The following TNR variants were observed in gnomAD, a reference collection of about 807,000 sequenced individuals.
TNR encodes tenascin R.
TNR carries 45 observed loss-of-function variants against 150.4 expected under a neutral mutation model. The observed-to-expected ratio is 0.30, with a 90% confidence interval of 0.24 to 0.38. The LOEUF is 0.38. Among genes scored for constraint, TNR ranks in the 10% least tolerant of loss-of-function variants. The probability of loss-of-function intolerance (pLI) is 1.00; values close to 1 mark genes in which losing one functional copy is unlikely to be tolerated. For missense variants in TNR, 1,544 were observed against 1,759.1 expected (o/e 0.88, Z 2.19); for synonymous variants, 687 against 678.4 (o/e 1.01, Z -0.20).
chr1:175,372,655 G>C lies in TNR; in HGVS notation c.1964-5358C>G, dbSNP rs1195378388. 3.3e-5 allele frequency among the ~76,000 whole-genome samples: 5 copies of C among 152,320 alleles called. No homozygotes were observed. The South Asian group carries it at 1.0e-3, about 32-fold the overall frequency. Reference sequence around the variant, plus strand: ...GAACCTATTCTTCATGCCTGCTGTCGCTAGCAGGGAAAGTGGTAGGGAGAA... The same window carrying C: ...GAACCTATTCTTCATGCCTGCTGTCCCTAGCAGGGAAAGTGGTAGGGAGAA... On this transcript the variant is annotated intron_variant, in intron 9 of 22. Transcript: ENST00000367674.
intron 18 of TNR, among the ~76,000 whole-genome samples, chr1:175,343,510 G>A (rs375897150): frequency 6.6e-6 from 1 of 152,182 alleles, no homozygotes; most frequent in African/African-American, 2.4e-5. Flanking sequence ...TATAGGTGCT[G>A]TCCTAGAAGT....
chr1:175,319,680 G>T lies in TNR; in HGVS notation c.*3677C>A, dbSNP rs1226243148. On this transcript the variant is annotated 3_prime_UTR_variant, in exon 23 of 23. Transcript: ENST00000367674. The stretch of plus-strand genomic sequence containing the variant: ...TTCCTTGCTGCCATATGTTGTTGTT[G>T]TTCTTTTACAAATCAATCTCCCATA... 1 of 152,268 alleles carries T rather than the reference G, an allele frequency of 6.6e-6. No individual in the cohort carries two copies. Among genetic ancestry groups the T allele is most frequent in the Non-Finnish European group, 1.5e-5 (1 of 68,042 alleles). 9.4% of individuals were successfully genotyped at this position (152,268 alleles called of 1,614,324 possible).
chr1:175,573,092 T>C (rs1571624136), intron 1 of TNR, among the ~76,000 whole-genome samples: 2 of 152,362 alleles, frequency 1.3e-5, no homozygotes, highest in Middle Eastern at 3.4e-3. Context: ...GTGGTCCAAA[T>C]TGATCCTCTG....
intron 2 of TNR, among the ~76,000 whole-genome samples, chr1:175,465,794 C>G (rs1206658742): frequency 1.3e-5 from 2 of 152,158 alleles, no homozygotes; most frequent in Non-Finnish European, 2.9e-5. Flanking sequence ...GTGTGGCAAT[C>G]TGCCCACACT....
intron 7 of TNR, among the ~76,000 whole-genome samples, chr1:175,387,758 C>T (rs1411815884): frequency 6.6e-6 from 1 of 152,188 alleles, no homozygotes; most frequent in East Asian, 1.9e-4. Flanking sequence ...GGCCCACCTC[C>T]TACTCTGTCT....
chr1:175,339,502 G>T (rs547271350), intron 18 of TNR, among the ~76,000 whole-genome samples: 1 of 152,174 alleles, frequency 6.6e-6, no homozygotes. Context: ...GGTGTGAGCT[G>T]TCTCTGTCTC....
chr1:175,501,828 A>G (rs1234652651), intron 2 of TNR, among the ~76,000 whole-genome samples: 1 of 152,194 alleles, frequency 6.6e-6, no homozygotes, highest in East Asian at 1.9e-4. Context: ...TCAATCATGT[A>G]TTCAACACTG....
At chr1:175,542,845 G>A (rs1475799241) in intron 1 of TNR, among the ~76,000 whole-genome samples, 3 of 151,744 alleles carry the variant, frequency 2.0e-5, no homozygotes, top group African/African-American at 4.8e-5. Flanking sequence ...CAACGCTTTT[G>A]CCCACATGTA....
intron 2 of TNR, among the ~76,000 whole-genome samples, chr1:175,440,710 T>C (rs944095830): frequency 6.6e-6 from 1 of 152,080 alleles, no homozygotes; most frequent in Admixed American, 6.6e-5. Flanking sequence ...GAGGATTCAG[T>C]TCTGTTAAGA....
chr1:175,696,217 GTTTTTTTTTTT>G (rs5778870), intron 1 of TNR, among the ~76,000 whole-genome samples: 1 of 40,460 alleles, frequency 2.5e-5, no homozygotes. Context: ...CCTTCCTGTA[GTTTTTTTTTTT>G]TTTTTTTTTT....
intron 1 of TNR, among the ~76,000 whole-genome samples, chr1:175,722,972 A>C (rs1222500854): frequency 4.6e-5 from 7 of 150,852 alleles, no homozygotes; most frequent in Admixed American, 4.6e-4. Flanking sequence ...TTGTATTTTT[A>C]ATTGAGACGG....
chr1:175,574,368 C>T (rs983689578), intron 1 of TNR, among the ~76,000 whole-genome samples: 6 of 151,884 alleles, frequency 4.0e-5, no homozygotes, highest in African/African-American at 1.5e-4. Flanking sequence ...AATCAAAGTA[C>T]AGAAAAAAGA....
chr1:175,642,727 T>C (rs1664702132), intron 1 of TNR, among the ~76,000 whole-genome samples: 1 of 152,024 alleles, frequency 6.6e-6, no homozygotes, highest in South Asian at 2.1e-4. Flanking sequence ...AGGCCAGGGG[T>C]TTGAGACCAG....
At chr1:175,369,016 C>A (rs1375055214) in intron 9 of TNR, among the ~76,000 whole-genome samples, 1 of 152,086 alleles carries the variant, frequency 6.6e-6, no homozygotes, top group African/African-American at 2.4e-5. Context: ...ATCAAGTGAT[C>A]ACCCTGAGGG....
intron 2 of TNR, among the ~76,000 whole-genome samples, chr1:175,437,510 C>A (rs1655564202): frequency 6.6e-6 from 1 of 152,002 alleles, no homozygotes; most frequent in African/African-American, 2.4e-5. Flanking sequence ...TAGCAGAAGG[C>A]AAGAAATAAC....
intron 1 of TNR, among the ~76,000 whole-genome samples, chr1:175,707,011 C>T (rs1666862778): frequency 6.6e-6 from 1 of 152,128 alleles, no homozygotes. Flanking sequence ...ATTGGTATTG[C>T]ATCTGGCCTG....
chr1:175,482,292 G>GCT (rs1657844628), intron 2 of TNR, among the ~76,000 whole-genome samples: 1 of 152,168 alleles, frequency 6.6e-6, no homozygotes. Context: ...CATGGATACA[G>GCT]GAAAGTGAAA....
intron 1 of TNR, among the ~76,000 whole-genome samples, chr1:175,549,431 A>G (rs1660847361): frequency 6.6e-6 from 1 of 152,174 alleles, no homozygotes; most frequent in African/African-American, 2.4e-5. Flanking sequence ...TAAAAATCTC[A>G]ACACTGTGGT....
At chr1:175,482,646 C>A (rs1557961087) in intron 2 of TNR, among the ~76,000 whole-genome samples, 1 of 152,156 alleles carries the variant, frequency 6.6e-6, no homozygotes, top group Admixed American at 6.5e-5. Context: ...GGTGAACATC[C>A]AGCCTGGCAC....
Sources: gnomAD v4.1 joint callset for allele counts (sites outside exome capture counted in the v4.1 genomes callset) on GRCh38, gnomAD v4.1.1 for gene constraint, MANE v1.5 for transcripts, NCBI Gene and HGNC (gene_info 2026-07-23, HGNC 2026-07-21) for gene names.